The following ZMYM2 variants were observed in gnomAD, a reference collection of about 807,000 sequenced individuals.
ZMYM2 encodes zinc finger MYM-type containing 2.
Under a neutral mutation model 162.8 loss-of-function variants are expected in ZMYM2, and 56 were observed. The ratio of observed to expected loss-of-function variants is 0.34; its 90% CI spans 0.28 to 0.43. The LOEUF (loss-of-function observed/expected upper bound fraction) is 0.43, where lower values mean the gene tolerates loss of function less well. ZMYM2 is among the 20% of genes least tolerant of loss of function. ZMYM2 has a pLI of 1.00. For synonymous variants in ZMYM2, 510 were observed against 541.6 expected (o/e 0.94, Z 0.81); for missense variants, 1,275 against 1,621.8 (o/e 0.79, Z 3.67).
chr13:20,074,512 C>G (rs538964318), intron 21 of ZMYM2, among the ~76,000 whole-genome samples: 1 of 151,550 alleles, frequency 6.6e-6, no homozygotes, highest in East Asian at 1.9e-4. Context: ...CTGGAATTAA[C>G]AGGCATGAGC....
At chr13:20,025,195 C>T (rs970428699) in intron 7 of ZMYM2, 2 of 202,216 alleles carry the variant, frequency 9.9e-6, no homozygotes, top group East Asian at 7.6e-5. Flanking sequence ...TGGAACATTT[C>T]GAAGCCTTCT....
intron 14 of ZMYM2, among the ~76,000 whole-genome samples, chr13:20,056,956 GACACTGTCA>G (rs200728852): frequency 0.012 from 1,794 of 152,280 alleles, 45 homozygotes; most frequent in African/African-American, 0.041. Flanking sequence ...GAAAATCACT[GACACTGTCA>G]ACAAGGCACA....
intron 21 of ZMYM2, among the ~76,000 whole-genome samples, chr13:20,067,759 AAG>A (rs1486583603): frequency 1.3e-5 from 2 of 152,202 alleles, no homozygotes; most frequent in African/African-American, 2.4e-5. Context: ...ATTTCATAAA[AAG>A]AGATCATTCT....
At chr13:19,977,228 C>G (rs1042088268) in intron 2 of ZMYM2, among the ~76,000 whole-genome samples, 1 of 151,910 alleles carries the variant, frequency 6.6e-6, no homozygotes, top group African/African-American at 2.4e-5. Flanking sequence ...ACTTTGTTGC[C>G]TAGGTTGGTC....
At chr13:19,978,195 G>T (rs1156606512) in intron 2 of ZMYM2, among the ~76,000 whole-genome samples, 1 of 151,756 alleles carries the variant, frequency 6.6e-6, no homozygotes, top group Non-Finnish European at 1.5e-5. Flanking sequence ...TTTTTTAAAT[G>T]GTTACCTTGG....
At chr13:19,923,036 AAAAG>A in the ZMYM2 span, among the ~76,000 whole-genome samples, 1 of 149,440 alleles carries the variant, frequency 6.7e-6, no homozygotes, top group Admixed American at 6.7e-5. Flanking sequence ...AAAAAAAAAA[AAAAG>A]AAACAAAGAA....
At chr13:20,018,739 T>C (rs1183531299) in intron 6 of ZMYM2, among the ~76,000 whole-genome samples, 3 of 152,174 alleles carry the variant, frequency 2.0e-5, no homozygotes, top group Non-Finnish European at 4.4e-5. Context: ...AGTAAGGATA[T>C]GTATTCGTAT....
chr13:19,876,362 A>T, the ZMYM2 span, among the ~76,000 whole-genome samples: 4 of 151,384 alleles, frequency 2.6e-5, no homozygotes, highest in African/African-American at 7.3e-5. Context: ...TCCCTCTGTC[A>T]CCCAGGCCGG....
chr13:20,044,533 TC>T (rs1405099497), intron 12 of ZMYM2, among the ~76,000 whole-genome samples: 1 of 152,192 alleles, frequency 6.6e-6, no homozygotes, highest in African/African-American at 2.4e-5. Flanking sequence ...GGGCAGCTCT[TC>T]TACCTGGCTG....
chr13:19,942,812 T>TCA, the ZMYM2 span, among the ~76,000 whole-genome samples: 1 of 152,192 alleles, frequency 6.6e-6, no homozygotes, highest in African/African-American at 2.4e-5. Flanking sequence ...ACCCCCCTTT[T>TCA]CAGTTTTATG....
In ZMYM2 at chr13:19,975,620, C is replaced by G. The variant is rs543942671; in HGVS notation, c.-11+15594C>G. Among the ~76,000 whole-genome samples the G allele has an allele frequency of 1.9e-4, 29 of 152,286 alleles. No homozygotes were observed. In the South Asian group the frequency reaches 4.1e-3, roughly 22 times the overall value. ...CCTTTTGGCCGTTGTGAAAATGCTT[C>G]TGTGATCATTGTTGTACAGGTATCT... On this transcript the variant is annotated intron_variant, in intron 2 of 24. Transcript: ENST00000610343.
intron 21 of ZMYM2, 125 bp downstream of exon 21, chr13:20,067,515 T>G: frequency 1.0e-6 from 1 of 969,790 alleles, no homozygotes; most frequent in East Asian, 2.7e-5. Flanking sequence ...AGTTGTATGT[T>G]TGCTGCCATT....
At chr13:19,958,478 C>A (rs551995493), upstream of ZMYM2, among the ~76,000 whole-genome samples, 2 of 148,150 alleles carry the variant, frequency 1.3e-5, no homozygotes, top group African/African-American at 4.9e-5. Flanking sequence ...GGCGGGGGAC[C>A]GGCGGGGAGG....
intron 2 of ZMYM2, among the ~76,000 whole-genome samples, chr13:19,962,613 C>T (rs1255383523): frequency 6.9e-6 from 1 of 144,228 alleles, no homozygotes; most frequent in East Asian, 2.1e-4. Flanking sequence ...CAACCTCTGC[C>T]TCCTGGGTTC....
intron 1 of ZMYM2, 177 bp from the exon 2 acceptor site, chr13:19,959,752 GGTTTTGGCCCCAAATATGTATTTTGCGCT>G (rs1246137398): frequency 2.2e-4 from 33 of 152,508 alleles, no homozygotes; most frequent in African/African-American, 7.7e-4. Flanking sequence ...CTTTCACATG[GGTTTTGGCCCCAAATATGTATTTTGCGCT>G]GTTTTGCCCC....
chr13:19,901,374 C>T, the ZMYM2 span, among the ~76,000 whole-genome samples: 2 of 152,166 alleles, frequency 1.3e-5, no homozygotes, highest in East Asian at 3.9e-4. Flanking sequence ...GTAGAAGCAA[C>T]CCAAGCGTCC....
At chr13:20,014,288 G>A (rs1199275620) in intron 6 of ZMYM2, among the ~76,000 whole-genome samples, 1 of 152,066 alleles carries the variant, frequency 6.6e-6, no homozygotes, top group Non-Finnish European at 1.5e-5. Context: ...TGGCCAGAAT[G>A]GTCTCGATCT....
chr13:20,068,271 A>G (rs1035152751), intron 21 of ZMYM2: 20 of 178,914 alleles, frequency 1.1e-4, no homozygotes, highest in Non-Finnish European at 2.3e-4. Flanking sequence ...TTAGATGATA[A>G]TATAGGTCCA....
chr13:20,002,082 T>G (rs549735328), intron 3 of ZMYM2, among the ~76,000 whole-genome samples: 1 of 152,348 alleles, frequency 6.6e-6, no homozygotes, highest in Non-Finnish European at 1.5e-5. Flanking sequence ...GTAACACTCT[T>G]TCTATGAGAT....
Sources: gnomAD v4.1 joint callset for allele counts (sites outside exome capture counted in the v4.1 genomes callset) on GRCh38, gnomAD v4.1.1 for gene constraint, MANE v1.5 for transcripts, NCBI Gene and HGNC (gene_info 2026-07-23, HGNC 2026-07-21) for gene names.